GNA13: variants seen among roughly 807,000 people sequenced by gnomAD.
GNA13 encodes the protein guanine nucleotide-binding protein subunit alpha-13.
GNA13 carries 4 observed loss-of-function variants against 33.5 expected under a neutral mutation model. The observed-to-expected ratio is 0.12, with a 90% CI of 0.06 to 0.27. The LOEUF (loss-of-function observed/expected upper bound fraction) is 0.27, where lower values mean the gene tolerates loss of function less well. Among genes scored for constraint, GNA13 ranks in the 10% least tolerant of loss-of-function variants. The pLI, the probability that GNA13 is intolerant of heterozygous loss-of-function variation, is 1.00. For synonymous variants in GNA13, 176 were observed against 183.8 expected (o/e 0.96, Z 0.34); for missense variants, 319 against 487.2 (o/e 0.65, Z 3.25).
At chr17:65,031,886 GA>G (rs1907033771) in intron 2 of GNA13, among the ~76,000 whole-genome samples, 1 of 128,128 alleles carries the variant, frequency 7.8e-6, no homozygotes. Flanking sequence ...GAGAGAGAGA[GA>G]GAGAGAGAAA....
Position 65,056,577 on chromosome 17 carries a change from G to C in GNA13, c.17C>G (p.Pro6Arg). The C allele has an allele frequency of 1.2e-6, 2 of 1,604,898 alleles. No individual in the cohort carries two copies. MADFL[P>R]SRSVLSVCFP... ...GCACACGGACAGCACGGACCGCGAC[G>C]GCAGGAAGTCCGCCATCTTGCCGCC... Residue 6 changes from proline (P) to arginine (R), a missense_variant, in exon 1 of 4, where the codon CCG (proline) becomes CGG (arginine). Physicochemically the swap from Pro to Arg is moderately radical, Grantham distance 103. Transcript: ENST00000439174.
At chr17:65,023,278 C>G (rs1567818820) in intron 2 of GNA13, among the ~76,000 whole-genome samples, 1 of 152,220 alleles carries the variant, frequency 6.6e-6, no homozygotes, top group African/African-American at 2.4e-5. Context: ...ATCTATTGTG[C>G]TCATGAACGA....
At chr17:65,016,164 T>A (rs1906361262) in intron 3 of GNA13, among the ~76,000 whole-genome samples, 1 of 152,188 alleles carries the variant, frequency 6.6e-6, no homozygotes, top group Non-Finnish European at 1.5e-5. Flanking sequence ...CAACACAACT[T>A]TCTGGTAATA....
chr17:65,040,036 T>C (rs1907397676), intron 2 of GNA13, among the ~76,000 whole-genome samples: 1 of 152,142 alleles, frequency 6.6e-6, no homozygotes, highest in Non-Finnish European at 1.5e-5. Flanking sequence ...CACATGAACA[T>C]ATTCTTACCA....
chr17:65,056,251 A>ACCCCCCCCCCCCC, intron 1 of GNA13, 60 bp downstream of exon 1: 12 of 740,710 alleles, frequency 1.6e-5, no homozygotes, highest in Admixed American at 2.4e-5. Context: ...CCCGCCCCGC[A>ACCCCCCCCCCCCC]CCCGCCGCCG....
At chr17:65,055,669 T>C in intron 1 of GNA13, 1 of 985,178 alleles carries the variant, frequency 1.0e-6, no homozygotes, top group Non-Finnish European at 1.2e-6. Flanking sequence ...CTCTCCTGAT[T>C]CCAGTACAGT....
rs75653555 is a variant in GNA13, at chr17:65,030,971, T to C, written c.511-12668A>G. Among the ~76,000 whole-genome samples the C allele has an allele frequency of 2.0e-3, 308 of 152,314 alleles. 2 individuals carry two copies. Among genetic ancestry groups the C allele is most frequent in the African/African-American group, 7.0e-3 (292 of 41,566 alleles). On this transcript the variant is annotated intron_variant, in intron 2 of 3. Transcript: ENST00000439174. ...AATATTGAAAGTAAAAGAAAATCTATATTACCAAGATAATTAAGTAGAGTT... is the reference window on the plus strand; with the variant it reads ...AATATTGAAAGTAAAAGAAAATCTACATTACCAAGATAATTAAGTAGAGTT...
intron 1 of GNA13, chr17:65,055,631 A>G: frequency 1.0e-6 from 1 of 985,364 alleles, no homozygotes; most frequent in Non-Finnish European, 1.2e-6. Flanking sequence ...CAGATGCTAC[A>G]TTTTCATGCT....
chr17:65,039,729 G>T (rs1907387633), intron 2 of GNA13, among the ~76,000 whole-genome samples: 1 of 152,098 alleles, frequency 6.6e-6, no homozygotes, highest in East Asian at 1.9e-4. Context: ...TTACATATTT[G>T]TTTGCATATT....
At chr17:65,015,614 G>T (rs1367683111) in intron 3 of GNA13, among the ~76,000 whole-genome samples, 2 of 132,848 alleles carry the variant, frequency 1.5e-5, no homozygotes, top group African/African-American at 5.6e-5. Context: ...AGTGAGCTGA[G>T]ATCATGCCAC....
In GNA13 at chr17:65,014,277, T is replaced by G; in HGVS notation, c.1114A>C (p.Lys372Gln). 1 of 1,604,456 alleles carries G rather than the reference T, an allele frequency of 6.2e-7. No individual in the cohort carries two copies. Among genetic ancestry groups the G allele is most frequent in the Non-Finnish European group, 8.5e-7 (1 of 1,171,260 alleles). The change falls in exon 4 of 4, where the codon AAG becomes CAG. Residue 372 changes from lysine to glutamine, a missense_variant. Physicochemically the swap from Lys to Gln is moderately conservative, Grantham distance 53. Around this residue, in one of 4 missense-constraint regions of GNA13, gnomAD observed 134 missense variants for 241.3 expected, o/e 0.56. Coordinates refer to ENST00000439174, the MANE Select transcript of GNA13 (RefSeq NM_006572.6). This position sits in a 1 kb window ranked among gnomAD's most constrained non-coding sequence, Gnocchi z 5.3. ...GTACATCACTGTAGCATAAGCTGCT[T>G]GAGGTTGTCATGCAGAATAGTATCC... The part of the protein sequence containing the change: ...VKDTILHDNL[K>Q]QLMLQ
intron 2 of GNA13, among the ~76,000 whole-genome samples, chr17:65,034,392 T>TG (rs1034956105): frequency 6.6e-6 from 1 of 151,616 alleles, no homozygotes; most frequent in African/African-American, 2.4e-5. Flanking sequence ...TTTTTTTTTT[T>TG]GAGATGAAGT....
intron 2 of GNA13, among the ~76,000 whole-genome samples, chr17:65,030,287 T>C (rs1906954991): frequency 6.6e-6 from 1 of 152,208 alleles, no homozygotes; most frequent in Non-Finnish European, 1.5e-5. Flanking sequence ...CAGATCCAAA[T>C]TCAAAGTAAT....
intron 2 of GNA13, among the ~76,000 whole-genome samples, chr17:65,024,459 GCA>G (rs1195131601): frequency 2.0e-5 from 3 of 152,212 alleles, no homozygotes; most frequent in South Asian, 2.1e-4. Flanking sequence ...ACAAAAACTT[GCA>G]CACAAGTTTA....
chr17:65,034,811 GT>G (rs1465616557), intron 2 of GNA13, among the ~76,000 whole-genome samples: 3 of 152,124 alleles, frequency 2.0e-5, no homozygotes, highest in African/African-American at 7.2e-5. Flanking sequence ...TTGAGATGGA[GT>G]TTTGCTCTTG....
rs1367161956 is a variant in GNA13 at position 65,012,637 on chromosome 17, A to G, written c.*1620T>C. ...GTCAAGAACAATCCCTGGTTAGTTC[A>G]CTGAAAAGCCCCACTCTCGTATCAG... On this transcript the variant is annotated 3_prime_UTR_variant, in exon 4 of 4. Transcript: ENST00000439174. 4.3e-6 allele frequency: 1 copy of G among 229,908 alleles called. No individual in the cohort carries two copies. The allele number at this position is 229,908 out of a possible 1,614,324, so 14.2% of individuals were successfully genotyped here.
chr17:65,053,582 G>T lies in GNA13; in HGVS notation c.430C>A (p.Gln144Lys), dbSNP rs956719468. 1 of 1,613,778 alleles carries T rather than the reference G, an allele frequency of 6.2e-7. No individual in the cohort carries two copies. The highest frequency in any genetic ancestry group is 8.5e-7 in the Non-Finnish European group (1 of 1,179,682). ...AATGCTCTTATAGCAGGAAGATATTGTAAGAAAACCCTTGTTTCCACCATT... is the reference window on the plus strand; with the variant it reads ...AATGCTCTTATAGCAGGAAGATATTTTAAGAAAACCCTTGTTTCCACCATT... Reference protein sequence around the residue: ...QGMVETRVFLQYLPAIRALWA... With the variant: ...QGMVETRVFLKYLPAIRALWA... Residue 144 changes from glutamine to lysine, a missense_variant, in exon 2 of 4, where the codon CAA (glutamine) becomes AAA (lysine). This residue lies in a region of GNA13 where 136 missense variants were observed against 159.3 expected (regional missense o/e 0.85). Transcript: ENST00000439174.
chr17:65,053,654 C>T lies in GNA13; in HGVS notation c.358G>A (p.Asp120Asn). ...CGGGTATCAAACGACATCATCTTATCTCCATGTTGTTGGTTTGAGTTGTCT... is the reference window on the plus strand; with the variant it reads ...CGGGTATCAAACGACATCATCTTATTTCCATGTTGTTGGTTTGAGTTGTCT... ...WGDNSNQQHG[D>N]KMMSFDTRAP... Residue 120 changes from aspartate to asparagine, a missense_variant, in exon 2 of 4, where the codon GAT becomes AAT. This residue lies in a region of GNA13 where 136 missense variants were observed against 159.3 expected (regional missense o/e 0.85). Transcript: ENST00000439174. 1 of 1,613,944 alleles carries T rather than the reference C, an allele frequency of 6.2e-7. No homozygotes were observed. Among genetic ancestry groups the T allele is most frequent in the African/African-American group, 1.3e-5 (1 of 75,012 alleles).
intron 2 of GNA13, among the ~76,000 whole-genome samples, chr17:65,049,539 A>C (rs1322731346): frequency 6.6e-6 from 1 of 152,236 alleles, no homozygotes; most frequent in Non-Finnish European, 1.5e-5. Flanking sequence ...ACAGCCACAC[A>C]TGAAAGCTGT....
Sources: gnomAD v4.1 joint callset for allele counts (sites outside exome capture counted in the v4.1 genomes callset) on GRCh38, gnomAD v4.1.1 for gene constraint, gnomAD v4.1.1 regional missense constraint, Gnocchi (gnomAD v3.1) non-coding constraint, MANE v1.5 for transcripts, NCBI Gene and HGNC (gene_info 2026-07-23, HGNC 2026-07-21) for gene names.